Variants in TMEM131 observed in about 807,000 individuals in gnomAD.
TMEM131 encodes transmembrane protein 131.
Under a neutral mutation model 211.6 loss-of-function variants are expected in TMEM131, and 66 were observed. The observed-to-expected ratio is 0.31, with a 90% CI of 0.26 to 0.38. The LOEUF (loss-of-function observed/expected upper bound fraction) is 0.38. Among genes scored for constraint, TMEM131 ranks in the 10% least tolerant of loss-of-function variants. The pLI is 1.00. For synonymous variants in TMEM131, 844 were observed against 841.3 expected, an observed-to-expected ratio of 1.00 and a Z score of -0.06; for missense variants, 2,036 against 2,299.3, an observed-to-expected ratio of 0.89 and a Z score of 2.34.
At chr2:97,759,943 C>T (rs921685020) in intron 38 of TMEM131, 194 bp from the exon 39 acceptor site, 2 of 565,998 alleles carry the variant, frequency 3.5e-6, no homozygotes, top group African/African-American at 3.7e-5. Flanking sequence ...CCCCAGAGCT[C>T]CGGATGCCCT....
chr2:97,903,963 C>A (rs953119498), intron 3 of TMEM131, among the ~76,000 whole-genome samples: 8 of 152,134 alleles, frequency 5.3e-5, no homozygotes, highest in South Asian at 2.1e-4. Context: ...GTGCCCAGGC[C>A]CATCTGGGTT....
intron 30 of TMEM131, 69 bp from the exon 31 acceptor site, chr2:97,793,053 A>C (rs967720668): frequency 5.1e-6 from 6 of 1,175,018 alleles, no homozygotes; most frequent in Middle Eastern, 4.3e-4. Context: ...AAAAAACTTC[A>C]ACTTCATCAG....
intron 1 of TMEM131, among the ~76,000 whole-genome samples, chr2:97,980,698 G>C (rs1324645736): frequency 6.6e-6 from 1 of 151,964 alleles, no homozygotes. Flanking sequence ...AATAAATCAT[G>C]GTATATTCAT....
At chr2:97,831,707 T>C (rs1221526723) in intron 11 of TMEM131, among the ~76,000 whole-genome samples, 11 of 138,166 alleles carry the variant, frequency 8.0e-5, no homozygotes, top group Non-Finnish European at 1.7e-4. Context: ...TCTCGGTCTG[T>C]TGCCCAGGCT....
At chr2:97,927,074 G>A (rs769918247) in intron 2 of TMEM131, among the ~76,000 whole-genome samples, 1 of 152,140 alleles carries the variant, frequency 6.6e-6, no homozygotes, top group African/African-American at 2.4e-5. Context: ...AGCTCATTAT[G>A]TTCAGTTTTT....
chr2:97,815,212 C>T lies in TMEM131; in HGVS notation c.1279G>A (p.Glu427Lys), dbSNP rs1681760680. 6.5e-7 allele frequency: 1 copy of T among 1,527,614 alleles called. No homozygotes were observed. The highest frequency in any genetic ancestry group is 8.8e-7 in the Non-Finnish European group (1 of 1,142,152). The allele number at this position is 1,527,614 out of a possible 1,614,324, so 94.6% of individuals were successfully genotyped here. ...AAAGAAACTCACCCATCTAAAACTTCTGCTTGATATGGTATTTCAAGTTTA... is the reference window on the plus strand; with the variant it reads ...AAAGAAACTCACCCATCTAAAACTTTTGCTTGATATGGTATTTCAAGTTTA... ...YSKLEIPYQA[E>K]VLDGYLGFDH... Residue 427 changes from glutamate to lysine, a missense_variant, in exon 13 of 41, where the codon GAA becomes AAA. By Grantham distance (56) the Glu-to-Lys change is moderately conservative. Around this residue, in one of 3 missense-constraint regions of TMEM131, gnomAD observed 1,623 missense variants for 1,805.9 expected, o/e 0.90. Transcript: ENST00000186436.
intron 39 of TMEM131, 34 bp downstream of exon 39, chr2:97,759,618 C>T: frequency 6.5e-7 from 1 of 1,533,652 alleles, no homozygotes; most frequent in Non-Finnish European, 9.0e-7. Context: ...TGTCCACAGG[C>T]TTATTAGTTA....
At chr2:97,977,279 G>C (rs1679583559) in intron 1 of TMEM131, among the ~76,000 whole-genome samples, 1 of 152,106 alleles carries the variant, frequency 6.6e-6, no homozygotes, top group Non-Finnish European at 1.5e-5. Context: ...CAGAATACTG[G>C]TACCCAGAAC....
intron 1 of TMEM131, among the ~76,000 whole-genome samples, chr2:97,967,428 T>C (rs975591885): frequency 3.9e-5 from 6 of 152,030 alleles, no homozygotes; most frequent in Non-Finnish European, 7.4e-5. Flanking sequence ...AACAGTACAG[T>C]GTGTAAATTT....
intron 4 of TMEM131, among the ~76,000 whole-genome samples, chr2:97,870,237 A>T (rs960951920): frequency 1.3e-5 from 2 of 152,186 alleles, no homozygotes; most frequent in Non-Finnish European, 2.9e-5. Flanking sequence ...TTGGTGTTTG[A>T]TTGAATAATT....
intron 2 of TMEM131, among the ~76,000 whole-genome samples, chr2:97,910,371 C>T (rs187306661): frequency 5.3e-5 from 8 of 152,162 alleles, no homozygotes; most frequent in African/African-American, 1.9e-4. Context: ...CGCAATCCCA[C>T]TTCTGTGTAT....
chr2:97,864,742 G>A (rs1048351428), intron 4 of TMEM131, among the ~76,000 whole-genome samples: 2 of 152,180 alleles, frequency 1.3e-5, no homozygotes, highest in African/African-American at 4.8e-5. Flanking sequence ...CCTTAAAGTG[G>A]CAGGCAAAGG....
intron 2 of TMEM131, among the ~76,000 whole-genome samples, chr2:97,925,891 A>C (rs1441961197): frequency 1.3e-5 from 2 of 152,016 alleles, no homozygotes; most frequent in Non-Finnish European, 2.9e-5. Context: ...CGGGCGGATC[A>C]TGAGGTCAGG....
chr2:97,931,087 T>C (rs1232063665), intron 1 of TMEM131, among the ~76,000 whole-genome samples: 2 of 151,914 alleles, frequency 1.3e-5, no homozygotes, highest in Non-Finnish European at 2.9e-5. Flanking sequence ...CTTTACAGAA[T>C]GCTCATGACT....
intron 1 of TMEM131, among the ~76,000 whole-genome samples, chr2:97,972,486 A>AGGCGGGCAGGCAGGCG (rs1679348806): frequency 7.4e-6 from 1 of 135,936 alleles, no homozygotes; most frequent in Non-Finnish European, 1.6e-5. Flanking sequence ...GAGGGAGGGA[A>AGGCGGGCAGGCAGGCG]GGCGGGCAGG....
intron 4 of TMEM131, among the ~76,000 whole-genome samples, chr2:97,865,807 T>C (rs1309234239): frequency 2.0e-5 from 3 of 152,234 alleles, no homozygotes; most frequent in Admixed American, 1.3e-4. Context: ...GAATAATTGG[T>C]ATTAATTCTT....
Position 97,792,884 on chromosome 2 carries a change from G to C in TMEM131, c.3646C>G (p.Pro1216Ala). The change falls in exon 31 of 41, where the codon CCA becomes GCA. Residue 1216 changes from proline (P) to alanine (A), a missense_variant. Pro to Ala is a conservative substitution (Grantham distance 27). Transcript: ENST00000186436. The part of the protein sequence containing the change: ...PSAGSHKQCG[P>A]SVHPHSSHSN... ...TGACTGCTGTGTGGGTGGACCGATG[G>C]GCCACACTGCTTATGACTCCCGGCA... is the stretch of plus-strand genomic sequence containing the variant. The C allele has an allele frequency of 6.2e-7, 1 of 1,613,418 alleles. No homozygotes were observed.
chr2:97,965,173 G>A (rs1251955523), intron 1 of TMEM131, among the ~76,000 whole-genome samples: 9 of 152,186 alleles, frequency 5.9e-5, no homozygotes, highest in Non-Finnish European at 1.5e-5. Context: ...GTCCCGGTAA[G>A]TTAAAGATCT....
At chr2:97,943,007 G>GAAAGAAAAGAAAGA (rs1677825923) in intron 1 of TMEM131, among the ~76,000 whole-genome samples, 2 of 63,068 alleles carry the variant, frequency 3.2e-5, no homozygotes, top group Non-Finnish European at 6.1e-5. Flanking sequence ...AGAAAGAAAA[G>GAAAGAAAAGAAAGA]AAAGAAAAGA....
Sources: gnomAD v4.1 joint callset for allele counts (sites outside exome capture counted in the v4.1 genomes callset) on GRCh38, gnomAD v4.1.1 for gene constraint, gnomAD v4.1.1 regional missense constraint, MANE v1.5 for transcripts, NCBI Gene and HGNC (gene_info 2026-07-23, HGNC 2026-07-21) for gene names.